Variants in KCNH1 observed in about 807,000 individuals in gnomAD.
KCNH1 encodes the protein potassium voltage-gated channel subfamily H member 1, also known as voltage-gated delayed rectifier potassium channel KCNH1.
A neutral mutation model predicts 69.2 loss-of-function variants in KCNH1; 27 were observed. That is an observed-to-expected ratio of 0.39 (90% CI 0.29 to 0.54). KCNH1 has a LOEUF of 0.54. KCNH1 is among the 20% of genes least tolerant of loss of function. KCNH1 has a pLI of 0.68. For missense variants in KCNH1, 798 were observed against 1,261.6 expected, an observed-to-expected ratio of 0.63 and a Z score of 5.57; for synonymous variants, 456 against 487.7, an observed-to-expected ratio of 0.93 and a Z score of 0.86.
chr1:211,000,776 C>T (rs1333552018), intron 6 of KCNH1, among the ~76,000 whole-genome samples: 1 of 152,170 alleles, frequency 6.6e-6, no homozygotes, highest in Non-Finnish European at 1.5e-5. Context: ...TACAAGGCTA[C>T]AGTAACCAAA....
chr1:210,865,549 C>T (rs1231143546), intron 7 of KCNH1, among the ~76,000 whole-genome samples: 3 of 151,782 alleles, frequency 2.0e-5, no homozygotes, highest in East Asian at 1.9e-4. Flanking sequence ...TCATTTGATG[C>T]CTAAATGTTC....
chr1:210,836,111 CA>C (rs776429016), intron 7 of KCNH1, among the ~76,000 whole-genome samples: 10,429 of 93,016 alleles, frequency 0.11, 330 homozygotes, highest in Admixed American at 0.13. Flanking sequence ...GTCTCCGTCT[CA>C]AAAAAAAAAA....
At chr1:211,107,959 A>G (rs544263620) in intron 1 of KCNH1, among the ~76,000 whole-genome samples, 7 of 152,318 alleles carry the variant, frequency 4.6e-5, no homozygotes, top group Admixed American at 3.3e-4. Flanking sequence ...TCTTAATACT[A>G]GAGCTTTGTA....
intron 5 of KCNH1, among the ~76,000 whole-genome samples, chr1:211,026,633 T>C (rs1003000178): frequency 1.3e-5 from 2 of 152,170 alleles, no homozygotes; most frequent in Admixed American, 6.5e-5. Context: ...TACTGAGATA[T>C]TCCAGCCAGA....
intron 10 of KCNH1, among the ~76,000 whole-genome samples, chr1:210,718,349 TATATAC>T (rs1256315851): frequency 9.0e-6 from 1 of 110,882 alleles, no homozygotes; most frequent in Non-Finnish European, 1.7e-5. Context: ...TATATATGTA[TATATAC>T]ATATATTTAT....
chr1:210,916,754 A>G (rs1226885885), intron 7 of KCNH1, among the ~76,000 whole-genome samples: 3 of 152,232 alleles, frequency 2.0e-5, no homozygotes, highest in Admixed American at 1.3e-4. Flanking sequence ...CTGGCAAATA[A>G]TAAGTGCTCA....
Position 211,098,146 on chromosome 1 carries a change from C to T in KCNH1, c.310+5350G>A, listed in dbSNP as rs143187411. Among the ~76,000 whole-genome samples the T allele has an allele frequency of 1.9e-3, 285 of 151,620 alleles. 2 individuals carry two copies. Among genetic ancestry groups the T allele is most frequent in the African/African-American group, 5.5e-3 (226 of 41,354 alleles). Reference sequence around the variant, plus strand: ...CAGCCTGGCCAACATGGTGAAACCCCGACTCTACAAAAATACAAAAAAAAA... The same window carrying T: ...CAGCCTGGCCAACATGGTGAAACCCTGACTCTACAAAAATACAAAAAAAAA... On this transcript the variant is annotated intron_variant, in intron 3 of 10. Coordinates refer to ENST00000271751, the MANE Select transcript of KCNH1 (RefSeq NM_172362.3).
chr1:210,952,182 G>T (rs571645235), intron 6 of KCNH1, among the ~76,000 whole-genome samples: 37 of 152,246 alleles, frequency 2.4e-4, no homozygotes, highest in African/African-American at 8.9e-4. Context: ...ACTTCACAGG[G>T]TTGTACTAAT....
chr1:211,001,429 G>A (rs1418632435), intron 6 of KCNH1, among the ~76,000 whole-genome samples: 1 of 152,110 alleles, frequency 6.6e-6, no homozygotes. Flanking sequence ...ATCATCACTG[G>A]CCATCAGAGA....
chr1:210,954,083 G>A (rs1017666212), intron 6 of KCNH1, among the ~76,000 whole-genome samples: 3 of 151,556 alleles, frequency 2.0e-5, no homozygotes, highest in Admixed American at 6.6e-5. Flanking sequence ...AGGCCCCAGT[G>A]TGTGATGTTC....
intron 5 of KCNH1, among the ~76,000 whole-genome samples, chr1:211,037,017 G>A (rs1047851661): frequency 2.0e-5 from 3 of 152,220 alleles, no homozygotes; most frequent in African/African-American, 7.2e-5. Context: ...CTTGAAGACT[G>A]ATTCTGGAAG....
rs763787965 is a variant in KCNH1, at chr1:211,090,567, C to T, written c.434G>A (p.Cys145Tyr). The T allele has an allele frequency of 1.9e-6, 3 of 1,601,720 alleles. No individual in the cohort carries two copies. The highest frequency in any genetic ancestry group is 2.2e-5 in the East Asian group (1 of 44,690). ...TACAAGTCAGAATTACAAACCTTTA[C>T]ATGAATCATCCTCAATTGGCTGTTT... ...AFKQPIEDDS[C>Y]KGWGKFARLT... Residue 145 changes from cysteine to tyrosine, a missense_variant, in exon 4 of 11, where the codon TGT (cysteine) becomes TAT (tyrosine). Physicochemically the swap from Cys to Tyr is radical, Grantham distance 194. Around this residue, in one of 4 missense-constraint regions of KCNH1, gnomAD observed 266 missense variants for 457.2 expected, o/e 0.58. Transcript: ENST00000271751.
At chr1:210,996,760 A>T (rs184977636) in intron 6 of KCNH1, among the ~76,000 whole-genome samples, 198 of 152,312 alleles carry the variant, frequency 1.3e-3, no homozygotes, top group Non-Finnish European at 2.2e-3. Flanking sequence ...ACACCTTACA[A>T]GGTCGGGTAC....
At chr1:210,747,442 G>T (rs1262985658) in intron 10 of KCNH1, among the ~76,000 whole-genome samples, 2 of 152,160 alleles carry the variant, frequency 1.3e-5, no homozygotes, top group Non-Finnish European at 2.9e-5. Context: ...GTAAAGTGAG[G>T]AAGGGAAAGG....
intron 7 of KCNH1, chr1:210,859,539 C>A: frequency 3.1e-6 from 5 of 1,593,356 alleles, no homozygotes; most frequent in Non-Finnish European, 4.3e-6. Flanking sequence ...TAGCCAGAAT[C>A]TCCAAATATT....
In KCNH1 at chr1:210,934,234, T is replaced by C. The variant is rs145234163; in HGVS notation, c.1033-14165A>G. Among the ~76,000 whole-genome samples the C allele has an allele frequency of 1.8e-3, 273 of 152,340 alleles. 2 individuals carry two copies. The Middle Eastern group carries it at 0.02, about 11-fold the overall frequency. Reference sequence around the variant, plus strand: ...TCTGTAAAGCAAAGGAAACAATCCATAGAGTGAAGAGACAACCTAAAGAAT... The same window carrying C: ...TCTGTAAAGCAAAGGAAACAATCCACAGAGTGAAGAGACAACCTAAAGAAT... On this transcript the variant is annotated intron_variant, in intron 6 of 10. Coordinates refer to ENST00000271751, the MANE Select transcript of KCNH1 (RefSeq NM_172362.3).
intron 7 of KCNH1, among the ~76,000 whole-genome samples, chr1:210,863,191 T>C (rs1686018595): frequency 1.3e-5 from 2 of 152,204 alleles, no homozygotes. Flanking sequence ...CTGCTTTACC[T>C]GGTGAGCCTA....
At chr1:211,030,501 T>C (rs1689762769) in intron 5 of KCNH1, among the ~76,000 whole-genome samples, 1 of 152,170 alleles carries the variant, frequency 6.6e-6, no homozygotes, top group Non-Finnish European at 1.5e-5. Flanking sequence ...ACGCAATTTG[T>C]GCAGGAAAGA....
At chr1:210,870,173 T>C (rs571770037) in intron 7 of KCNH1, among the ~76,000 whole-genome samples, 1 of 152,254 alleles carries the variant, frequency 6.6e-6, no homozygotes, top group East Asian at 1.9e-4. Flanking sequence ...TAGATTTTTG[T>C]CTGGTTTTCT....
Sources: gnomAD v4.1 joint callset for allele counts (sites outside exome capture counted in the v4.1 genomes callset) on GRCh38, gnomAD v4.1.1 for gene constraint, gnomAD v4.1.1 regional missense constraint, MANE v1.5 for transcripts, NCBI Gene and HGNC (gene_info 2026-07-23, HGNC 2026-07-21) for gene names.